The following P2RY14 variants were observed in gnomAD, a reference collection of about 807,000 sequenced individuals.
P2RY14 encodes purinergic receptor P2Y14, also known as P2Y purinoceptor 14.
A neutral mutation model predicts 0.9 loss-of-function variants in P2RY14; 2 were observed. The ratio of observed to expected loss-of-function variants is 2.16; its 90% CI spans 0.88 to 6.79. P2RY14 has a LOEUF of 6.79. Among genes scored for constraint, P2RY14 ranks in the 30% most tolerant of loss-of-function variants. P2RY14 has a pLI of 0.05. For missense variants in P2RY14, 378 were observed against 400.1 expected (o/e 0.94, Z 0.47); for synonymous variants, 158 against 147.2 (o/e 1.07, Z -0.53).
At chr3:151,238,093 TA>T (rs1386161997) in intron 1 of P2RY14, among the ~76,000 whole-genome samples, 1 of 152,216 alleles carries the variant, frequency 6.6e-6, no homozygotes, top group Non-Finnish European at 1.5e-5. Context: ...TTTTGTATCT[TA>T]AAACTTTTCT....
chr3:151,261,222 A>G (rs1304997896), intron 1 of P2RY14, among the ~76,000 whole-genome samples: 1 of 152,138 alleles, frequency 6.6e-6, no homozygotes. Context: ...GGTATTTTGC[A>G]TGAACGAATG....
chr3:151,252,119 C>T (rs1736970969), intron 1 of P2RY14, among the ~76,000 whole-genome samples: 1 of 152,134 alleles, frequency 6.6e-6, no homozygotes, highest in Admixed American at 6.6e-5. Context: ...CCATCCCCTC[C>T]CTCCCTATGC....
chr3:151,254,255 G>A (rs575659559), intron 1 of P2RY14, among the ~76,000 whole-genome samples: 1 of 152,214 alleles, frequency 6.6e-6, no homozygotes, highest in African/African-American at 2.4e-5. Context: ...TTAGCTCACT[G>A]TGCACGTTTC....
chr3:151,275,027 G>C (rs908907661), intron 1 of P2RY14, among the ~76,000 whole-genome samples: 9 of 152,140 alleles, frequency 5.9e-5, no homozygotes, highest in Non-Finnish European at 1.2e-4. Context: ...CTTAGGGCTC[G>C]ACTCACTGGG....
intron 1 of P2RY14, among the ~76,000 whole-genome samples, chr3:151,265,999 C>T (rs1282840625): frequency 6.6e-6 from 1 of 152,130 alleles, no homozygotes; most frequent in Non-Finnish European, 1.5e-5. Flanking sequence ...TTGTCTGTGC[C>T]TTCAGGTTGC....
intron 1 of P2RY14, among the ~76,000 whole-genome samples, chr3:151,232,180 C>T (rs1731818298): frequency 6.6e-6 from 1 of 152,058 alleles, no homozygotes; most frequent in Non-Finnish European, 1.5e-5. Context: ...CTATTCTTGG[C>T]CATTTTCTTT....
chr3:151,260,733 G>A (rs1294323416), intron 1 of P2RY14, among the ~76,000 whole-genome samples: 2 of 152,102 alleles, frequency 1.3e-5, no homozygotes, highest in African/African-American at 2.4e-5. Context: ...CTTTTCTGAG[G>A]TTTGTAGGTA....
chr3:151,248,799 A>G (rs970354425), intron 1 of P2RY14: 24 of 152,152 alleles, frequency 1.6e-4, no homozygotes, highest in African/African-American at 5.8e-4. Flanking sequence ...ACACAAAGCC[A>G]TTTTACATTG....
intron 1 of P2RY14, among the ~76,000 whole-genome samples, chr3:151,236,523 G>A (rs1412227667): frequency 6.6e-6 from 1 of 152,182 alleles, no homozygotes; most frequent in African/African-American, 2.4e-5. Flanking sequence ...GACCTTGACA[G>A]TAAGCAGCTG....
rs113815138 is a variant in P2RY14, at chr3:151,262,892, A to C, written c.-133+15395T>G. 6.5e-3 allele frequency among the ~76,000 whole-genome samples: 989 copies of C among 152,314 alleles called. 7 individuals are homozygous for C. Among genetic ancestry groups the C allele is most frequent in the South Asian group, 0.014 (67 of 4,824 alleles). On this transcript the variant is annotated intron_variant, in intron 1 of 2. Coordinates refer to ENST00000309170, the MANE Select transcript of P2RY14 (RefSeq NM_014879.4). Reference sequence around the variant, plus strand: ...CCTCAGTTAAATGATAGAGGGCAGTAAGGCTTGGTGAGGTTAAGCATTTTG... The same window carrying C: ...CCTCAGTTAAATGATAGAGGGCAGTCAGGCTTGGTGAGGTTAAGCATTTTG...
intron 1 of P2RY14, among the ~76,000 whole-genome samples, chr3:151,277,844 C>T (rs1399692167): frequency 6.6e-6 from 1 of 152,110 alleles, no homozygotes; most frequent in African/African-American, 2.4e-5. Context: ...AGTGTATGTA[C>T]AAGTAAATGC....
At chr3:151,236,633 C>T (rs1160825218) in intron 1 of P2RY14, among the ~76,000 whole-genome samples, 1 of 152,084 alleles carries the variant, frequency 6.6e-6, no homozygotes, top group African/African-American at 2.4e-5. Context: ...TTTCACTTTT[C>T]CTGTTTTACA....
At chr3:151,268,023 C>A (rs188463347) in intron 1 of P2RY14, among the ~76,000 whole-genome samples, 7 of 152,222 alleles carry the variant, frequency 4.6e-5, no homozygotes, top group African/African-American at 1.7e-4. Flanking sequence ...TAGTCTTATG[C>A]GTTCTTAGTA....
intron 1 of P2RY14, among the ~76,000 whole-genome samples, chr3:151,220,351 A>G (rs1729094779): frequency 6.6e-6 from 1 of 151,928 alleles, no homozygotes; most frequent in Non-Finnish European, 1.5e-5. Context: ...AGGTTTTCAT[A>G]TTTCTGAATT....
chr3:151,268,187 A>T (rs1449539925), intron 1 of P2RY14, among the ~76,000 whole-genome samples: 1 of 152,092 alleles, frequency 6.6e-6, no homozygotes, highest in Non-Finnish European at 1.5e-5. Flanking sequence ...AATCCTATAA[A>T]ATAATGCCAG....
chr3:151,220,472 G>A (rs1224513683), intron 1 of P2RY14, among the ~76,000 whole-genome samples: 1 of 152,142 alleles, frequency 6.6e-6, no homozygotes, highest in African/African-American at 2.4e-5. Flanking sequence ...ACGTGATATG[G>A]TTTGGCTCTG....
intron 1 of P2RY14, among the ~76,000 whole-genome samples, chr3:151,266,139 C>T (rs1027160441): frequency 4.6e-5 from 7 of 152,120 alleles, no homozygotes; most frequent in Middle Eastern, 3.2e-3. Flanking sequence ...TGCAGCACAA[C>T]GTTGTTACGG....
chr3:151,258,781 G>A (rs1268888208), intron 1 of P2RY14, among the ~76,000 whole-genome samples: 1 of 150,916 alleles, frequency 6.6e-6, no homozygotes, highest in African/African-American at 2.4e-5. Context: ...GAACTTGGGA[G>A]GTGGAGGTTG....
intron 1 of P2RY14, among the ~76,000 whole-genome samples, chr3:151,223,173 T>C (rs1454434919): frequency 1.3e-4 from 5 of 39,554 alleles, no homozygotes; most frequent in African/African-American, 4.1e-4. Flanking sequence ...TATTAAAAAG[T>C]CCAAAAAAAA....
Sources: allele counts gnomAD v4.1 joint callset (sites outside exome capture counted in the v4.1 genomes callset), GRCh38; gene constraint gnomAD v4.1.1; transcripts MANE v1.5; gene names NCBI Gene and HGNC (gene_info 2026-07-23, HGNC 2026-07-21).